TAFA2: variants seen among roughly 807,000 people sequenced by gnomAD.
TAFA2 encodes the protein chemokine-like protein TAFA-2.
A neutral mutation model predicts 18.8 loss-of-function variants in TAFA2; 7 were observed. The ratio of observed to expected loss-of-function variants is 0.37; its 90% CI spans 0.21 to 0.70. TAFA2 has a LOEUF of 0.70. Among genes scored for constraint, TAFA2 ranks in the 30% least tolerant of loss-of-function variants. The pLI is 0.53. For missense variants in TAFA2, 122 were observed against 158.1 expected (o/e 0.77, Z 1.23); for synonymous variants, 60 against 54.2 (o/e 1.11, Z -0.47).
At chr12:62,180,707 C>T (rs944302739) in intron 1 of TAFA2, among the ~76,000 whole-genome samples, 12 of 151,878 alleles carry the variant, frequency 7.9e-5, no homozygotes, top group Non-Finnish European at 1.6e-4. Flanking sequence ...ATTAGCTATA[C>T]TAAATAGCAT....
intron 1 of TAFA2, among the ~76,000 whole-genome samples, chr12:61,979,399 C>T (rs1402679503): frequency 6.6e-6 from 1 of 152,034 alleles, no homozygotes; most frequent in Non-Finnish European, 1.5e-5. Flanking sequence ...ATCTCAAAGG[C>T]TATGGGTTCT....
intron 1 of TAFA2, among the ~76,000 whole-genome samples, chr12:62,133,602 G>GA (rs1218437971): frequency 6.6e-6 from 1 of 152,006 alleles, no homozygotes; most frequent in African/African-American, 2.4e-5. Flanking sequence ...ATTGAGCTTT[G>GA]TTTTTCCATT....
At chr12:62,215,395 C>T (rs1213579878) in intron 1 of TAFA2, among the ~76,000 whole-genome samples, 1 of 152,040 alleles carries the variant, frequency 6.6e-6, no homozygotes, top group African/African-American at 2.4e-5. Flanking sequence ...ACAAGAATAA[C>T]AAATTTTCCA....
chr12:61,859,308 A>AC (rs750354418), intron 2 of TAFA2, among the ~76,000 whole-genome samples: 1 of 152,126 alleles, frequency 6.6e-6, no homozygotes, highest in Non-Finnish European at 1.5e-5. Flanking sequence ...CATGCGGGAA[A>AC]CCGCCCCATG....
chr12:62,249,945 A>G (rs1258344830), intron 1 of TAFA2, among the ~76,000 whole-genome samples: 1 of 152,152 alleles, frequency 6.6e-6, no homozygotes, highest in East Asian at 1.9e-4. Context: ...TGGGGGGCCT[A>G]AAATTAAGTA....
chr12:62,005,152 A>G (rs1880505273), intron 1 of TAFA2, among the ~76,000 whole-genome samples: 1 of 152,142 alleles, frequency 6.6e-6, no homozygotes, highest in Non-Finnish European at 1.5e-5. Context: ...ATCATATACT[A>G]GAAATTTGCT....
At position 61,978,488 on chromosome 12, in the gene TAFA2, A is replaced by G. The variant is rs578250788; in HGVS notation, c.-1-111062T>C. On this transcript the variant is annotated intron_variant, in intron 1 of 4. Transcript: ENST00000416284. The stretch of plus-strand genomic sequence containing the variant: ...AGGAACAGTTCCTACATGAGAAAGA[A>G]AGGAGGATTGACATACACCTACATC... Among the ~76,000 whole-genome samples the G allele has an allele frequency of 1.1e-3, 160 of 152,152 alleles. 1 individual carries two copies. The highest frequency in any genetic ancestry group is 2.1e-3 in the Non-Finnish European group (141 of 67,980).
At chr12:62,157,243 A>C (rs183279172) in intron 1 of TAFA2, among the ~76,000 whole-genome samples, 1 of 152,172 alleles carries the variant, frequency 6.6e-6, no homozygotes, top group African/African-American at 2.4e-5. Flanking sequence ...TTTTTCATAT[A>C]TCAAAAAATG....
chr12:61,965,194 T>G (rs1256421519), intron 1 of TAFA2, among the ~76,000 whole-genome samples: 1 of 151,606 alleles, frequency 6.6e-6, no homozygotes, highest in Non-Finnish European at 1.5e-5. Context: ...AAGGGTAGAG[T>G]CCTCATGGAT....
chr12:62,140,961 T>C (rs2062235579), intron 1 of TAFA2, among the ~76,000 whole-genome samples: 3 of 152,186 alleles, frequency 2.0e-5, no homozygotes. Context: ...GTTCATGTTT[T>C]ATCTTGATCA....
intron 4 of TAFA2, among the ~76,000 whole-genome samples, chr12:61,745,770 T>C (rs1206396805): frequency 6.6e-6 from 1 of 151,970 alleles, no homozygotes; most frequent in East Asian, 1.9e-4. Flanking sequence ...AATCAGCTGA[T>C]GTTAAGAGAG....
chr12:61,799,188 A>T (rs1871303863), intron 2 of TAFA2, among the ~76,000 whole-genome samples: 1 of 152,248 alleles, frequency 6.6e-6, no homozygotes, highest in African/African-American at 2.4e-5. Context: ...AGTATCACAG[A>T]GTCTGTTTAT....
chr12:61,964,878 ACT>A (rs1879015473), intron 1 of TAFA2, among the ~76,000 whole-genome samples: 1 of 151,544 alleles, frequency 6.6e-6, no homozygotes, highest in African/African-American at 2.4e-5. Context: ...TCCCCCAATA[ACT>A]TTTTTTAATG....
chr12:62,002,098 A>T (rs1269922373), intron 1 of TAFA2, among the ~76,000 whole-genome samples: 2 of 152,172 alleles, frequency 1.3e-5, no homozygotes, highest in Non-Finnish European at 2.9e-5. Context: ...AACTCTTCAG[A>T]GACTGGTGAT....
intron 1 of TAFA2, among the ~76,000 whole-genome samples, chr12:62,172,755 C>T (rs1031404255): frequency 6.6e-6 from 1 of 152,100 alleles, no homozygotes; most frequent in South Asian, 2.1e-4. Context: ...AAGGAACACG[C>T]AAAATATTTT....
In TAFA2 at chr12:61,927,165, G is replaced by T. The variant is rs137959223; in HGVS notation, c.-1-59739C>A. On this transcript the variant is annotated intron_variant, in intron 1 of 4. Coordinates refer to ENST00000416284, the MANE Select transcript of TAFA2 (RefSeq NM_178539.5). ...CACAGTATTGGAAATTCTGGGCAGGGCAATCAGGCAACAGAAAGAAATAAA... is the reference window on the plus strand; with the variant it reads ...CACAGTATTGGAAATTCTGGGCAGGTCAATCAGGCAACAGAAAGAAATAAA... Among the ~76,000 whole-genome samples, 828 of 151,562 alleles carry T rather than the reference G, an allele frequency of 5.5e-3. 11 individuals carry two copies. The highest frequency in any genetic ancestry group is 0.019 in the African/African-American group (779 of 41,296).
chr12:61,963,491 C>G (rs12311389), intron 1 of TAFA2, among the ~76,000 whole-genome samples: 1 of 151,940 alleles, frequency 6.6e-6, no homozygotes, highest in Non-Finnish European at 1.5e-5. Context: ...GCATAAATGT[C>G]TTCTTTTGAG....
intron 1 of TAFA2, among the ~76,000 whole-genome samples, chr12:62,179,723 G>A (rs2062538990): frequency 6.6e-6 from 1 of 152,034 alleles, no homozygotes; most frequent in Non-Finnish European, 1.5e-5. Context: ...TTTCTCAAAG[G>A]TCAAGGATTT....
chr12:61,930,968 C>T (rs887944725), intron 1 of TAFA2, among the ~76,000 whole-genome samples: 5 of 152,156 alleles, frequency 3.3e-5, no homozygotes, highest in Non-Finnish European at 5.9e-5. Flanking sequence ...AAGTTGTCTT[C>T]CATTCAAGCC....
Sources: gnomAD v4.1 joint callset for allele counts (sites outside exome capture counted in the v4.1 genomes callset) on GRCh38, gnomAD v4.1.1 for gene constraint, MANE v1.5 for transcripts, NCBI Gene and HGNC (gene_info 2026-07-23, HGNC 2026-07-21) for gene names.